TNRC6B: variants seen among roughly 807,000 people sequenced by gnomAD.
The protein encoded by TNRC6B is trinucleotide repeat containing adaptor 6B.
TNRC6B carries 52 observed loss-of-function variants against 203.6 expected under a neutral mutation model. The ratio of observed to expected loss-of-function variants is 0.26; its 90% CI spans 0.20 to 0.32. TNRC6B has a LOEUF of 0.32. Among genes scored for constraint, TNRC6B ranks in the 10% least tolerant of loss-of-function variants. The probability of loss-of-function intolerance (pLI) is 1.00; values close to 1 mark genes in which losing one functional copy is unlikely to be tolerated. For missense variants in TNRC6B, 1,923 were observed against 2,286.2 expected (o/e 0.84, Z 3.24); for synonymous variants, 838 against 845.7 (o/e 0.99, Z 0.16).
Position 40,177,965 on chromosome 22 carries a change from TGAGA to T in TNRC6B, c.-165_-162del, listed in dbSNP as rs1005779392. 2.6e-5 allele frequency: 38 copies of T among 1,452,910 alleles called. No homozygotes were observed. Among genetic ancestry groups the T allele is most frequent in the South Asian group, 7.4e-5 (5 of 67,170 alleles). 90.0% of individuals were successfully genotyped at this position (1,452,910 alleles called of 1,614,324 possible). A position where few individuals can be genotyped will look rare whatever the true frequency, so the allele number is the denominator to read the frequency against. On this transcript the variant is annotated 5_prime_UTR_variant, in exon 1 of 23. Transcript: ENST00000454349. The stretch of plus-strand genomic sequence containing the variant: ...GAGAGAGAGCAAGAGGGAGAGTGTG[TGAGA>T]GAGAGTTAGTTCAAGCCAAAATGGC...
At chr22:40,235,359 G>A (rs1331034160) in intron 1 of TNRC6B, among the ~76,000 whole-genome samples, 2 of 152,128 alleles carry the variant, frequency 1.3e-5, no homozygotes, top group East Asian at 3.8e-4. Flanking sequence ...CATGGAACTG[G>A]GGGTCCCGTG....
chr22:40,073,806 C>T (rs2067977669), intron 1 of TNRC6B, among the ~76,000 whole-genome samples: 1 of 151,984 alleles, frequency 6.6e-6, no homozygotes, highest in African/African-American at 2.4e-5. Context: ...GCCTGTAATC[C>T]CAGCACTTTG....
chr22:40,314,192 C>G (rs967008998), intron 19 of TNRC6B, among the ~76,000 whole-genome samples: 127 of 152,186 alleles, frequency 8.3e-4, no homozygotes, highest in African/African-American at 3.0e-3. Flanking sequence ...TCCCCACCCC[C>G]AAAAGTGTCT....
chr22:40,215,880 C>G (rs560250304), intron 1 of TNRC6B, among the ~76,000 whole-genome samples: 1 of 152,348 alleles, frequency 6.6e-6, no homozygotes, highest in Admixed American at 6.5e-5. Context: ...CTCAGCTTCT[C>G]CTTCATACAT....
intron 3 of TNRC6B, among the ~76,000 whole-genome samples, chr22:40,132,969 A>AAAAAATAT (rs1282694632): frequency 6.4e-5 from 5 of 78,172 alleles, no homozygotes; most frequent in African/African-American, 1.6e-4. Context: ...AAAAAAAAAA[A>AAAAAATAT]ATATATATAT....
intron 1 of TNRC6B, among the ~76,000 whole-genome samples, chr22:40,053,173 A>C (rs529237963): frequency 6.6e-6 from 1 of 152,204 alleles, no homozygotes; most frequent in Non-Finnish European, 1.5e-5. Flanking sequence ...AAAAAAAAAA[A>C]AAAAACTATG....
At chr22:40,091,205 G>A (rs2146297139) in intron 1 of TNRC6B, among the ~76,000 whole-genome samples, 1 of 151,818 alleles carries the variant, frequency 6.6e-6, no homozygotes, top group South Asian at 2.1e-4. Context: ...GGATGGTCTC[G>A]ATCTCCTGAC....
intron 1 of TNRC6B, among the ~76,000 whole-genome samples, chr22:40,048,467 G>A (rs1325821934): frequency 6.6e-6 from 1 of 151,702 alleles, no homozygotes; most frequent in Non-Finnish European, 1.5e-5. Context: ...CTTGAACCAA[G>A]GAGGCGGAGG....
chr22:40,125,717 A>C lies in TNRC6B; in HGVS notation c.-46-55A>C, dbSNP rs767026130. 8.5e-6 allele frequency: 12 copies of C among 1,409,490 alleles called. No individual in the cohort carries two copies. The East Asian group carries it at 1.7e-4, about 20-fold the overall frequency. The allele number at this position is 1,409,490 out of a possible 1,614,324, so 87.3% of individuals were successfully genotyped here. On this transcript the variant is annotated intron_variant, in intron 2 of 23. Coordinates refer to the TNRC6B transcript ENST00000301923. ...GAATTTCAGTCTAAACCTTTGAAAAAAAAATTTTTTTGCCCTGAATTCCTT... is the reference window on the plus strand; with the variant it reads ...GAATTTCAGTCTAAACCTTTGAAAACAAAATTTTTTTGCCCTGAATTCCTT...
chr22:40,100,294 T>G (rs187932178), intron 1 of TNRC6B, among the ~76,000 whole-genome samples: 1 of 151,714 alleles, frequency 6.6e-6, no homozygotes, highest in African/African-American at 2.4e-5. Context: ...CTCGCCATGT[T>G]GCCTAGGCTG....
At chr22:40,077,243 T>C (rs2068024379) in intron 1 of TNRC6B, among the ~76,000 whole-genome samples, 1 of 152,086 alleles carries the variant, frequency 6.6e-6, no homozygotes, top group Non-Finnish European at 1.5e-5. Context: ...ATAGGTTATC[T>C]CTCCCATGCC....
intron 3 of TNRC6B, among the ~76,000 whole-genome samples, chr22:40,128,087 C>T (rs988627196): frequency 4.6e-5 from 7 of 152,176 alleles, no homozygotes; most frequent in Admixed American, 3.9e-4. Context: ...GAATTAGACT[C>T]AAGAATAAGA....
chr22:40,117,073 T>C (rs1361134294), exon 2 of TNRC6B: 1 of 152,620 alleles, frequency 6.6e-6, no homozygotes, highest in Non-Finnish European at 1.5e-5. Context: ...TTTTTTGCAC[T>C]GAATGTAACC....
chr22:40,297,344 G>A (rs537291808), intron 12 of TNRC6B, among the ~76,000 whole-genome samples: 3 of 152,144 alleles, frequency 2.0e-5, no homozygotes, highest in Admixed American at 6.5e-5. Context: ...ATTCCCATCC[G>A]TGACGGGATG....
At chr22:40,242,153 C>T (rs1569034859) in intron 1 of TNRC6B, among the ~76,000 whole-genome samples, 1 of 150,850 alleles carries the variant, frequency 6.6e-6, no homozygotes, top group Admixed American at 6.7e-5. Context: ...CTCCAGCCCT[C>T]AGAGTGACAG....
intron 1 of TNRC6B, 39 bp from the exon 2 acceptor site, chr22:40,245,976 G>A (rs3752513): frequency 0.39 from 566,077 of 1,469,204 alleles, 114,040 homozygotes; most frequent in East Asian, 0.55. Flanking sequence ...GATTGTGAAT[G>A]TAGATGTATA....
chr22:40,116,426 CAGAG>C (rs938212249), intron 1 of TNRC6B, among the ~76,000 whole-genome samples: 2 of 152,082 alleles, frequency 1.3e-5, no homozygotes, highest in African/African-American at 4.8e-5. Flanking sequence ...ATATATATTT[CAGAG>C]AGAGATTCCA....
intron 15 of TNRC6B, chr22:40,301,588 TG>T: frequency 2.1e-6 from 1 of 487,544 alleles, no homozygotes; most frequent in African/African-American, 1.9e-5. Flanking sequence ...CTTTTTTTTG[TG>T]TGTGTGTGTG....
At chr22:40,218,223 A>G (rs989239774) in intron 1 of TNRC6B, among the ~76,000 whole-genome samples, 1 of 151,948 alleles carries the variant, frequency 6.6e-6, no homozygotes. Context: ...CTCATTGATT[A>G]CCAAGTGATA....
Sources: gnomAD v4.1 joint callset for allele counts (sites outside exome capture counted in the v4.1 genomes callset) on GRCh38, gnomAD v4.1.1 for gene constraint, MANE v1.5 for transcripts, NCBI Gene and HGNC (gene_info 2026-07-23, HGNC 2026-07-21) for gene names.